The following EBF2 variants were observed in gnomAD, a reference collection of about 807,000 sequenced individuals.
EBF2 encodes EBF transcription factor 2, also known as transcription factor COE2.
Under a neutral mutation model 72.8 loss-of-function variants are expected in EBF2, and 21 were observed. The ratio of observed to expected loss-of-function variants is 0.29; its 90% confidence interval spans 0.20 to 0.42. The LOEUF is 0.42. Ranked by LOEUF, EBF2 falls within the 10% of genes least tolerant of loss-of-function variation. The probability of loss-of-function intolerance (pLI) is 1.00; values close to 1 mark genes in which losing one functional copy is unlikely to be tolerated. For synonymous variants in EBF2, 299 were observed against 274.2 expected, an observed-to-expected ratio of 1.09 and a Z score of -0.89; for missense variants, 637 against 731.2, an observed-to-expected ratio of 0.87 and a Z score of 1.49.
At chr8:25,992,879 C>T (rs182810109) in intron 6 of EBF2, among the ~76,000 whole-genome samples, 21 of 146,104 alleles carry the variant, frequency 1.4e-4, no homozygotes, top group Admixed American at 5.5e-4. Flanking sequence ...CCAGCCTAGG[C>T]GACAAGAATG....
At chr8:25,952,223 G>A (rs1002357718) in intron 6 of EBF2, among the ~76,000 whole-genome samples, 4 of 152,158 alleles carry the variant, frequency 2.6e-5, no homozygotes, top group African/African-American at 7.2e-5. Context: ...TTAAGCTCAC[G>A]AGTTGGAGGC....
intron 6 of EBF2, chr8:26,032,240 G>C (rs556253470): frequency 3.9e-5 from 6 of 152,272 alleles, no homozygotes; most frequent in African/African-American, 1.4e-4. Flanking sequence ...CTGGCTTTCT[G>C]GGAAGAATGC....
chr8:26,003,831 T>C (rs1192409047), intron 6 of EBF2, among the ~76,000 whole-genome samples: 2 of 152,176 alleles, frequency 1.3e-5, no homozygotes, highest in African/African-American at 2.4e-5. Context: ...CATTATATCC[T>C]TCTCCTGAAA....
chr8:25,851,573 G>C (rs1801975418), intron 14 of EBF2, among the ~76,000 whole-genome samples: 1 of 151,622 alleles, frequency 6.6e-6, no homozygotes, highest in South Asian at 2.1e-4. Flanking sequence ...TATCTTCTAT[G>C]TTCAACTTAA....
At chr8:25,942,062 G>A (rs989110110) in intron 6 of EBF2, among the ~76,000 whole-genome samples, 2 of 152,192 alleles carry the variant, frequency 1.3e-5, no homozygotes, top group Non-Finnish European at 2.9e-5. Context: ...CAGTGAGCAT[G>A]AACACTGGGG....
intron 6 of EBF2, among the ~76,000 whole-genome samples, chr8:26,030,489 T>C (rs1233495123): frequency 6.6e-6 from 1 of 151,944 alleles, no homozygotes; most frequent in Non-Finnish European, 1.5e-5. Flanking sequence ...GATGAATTAA[T>C]GGGTGCAGCA....
At chr8:25,955,175 G>A (rs947372100) in intron 6 of EBF2, among the ~76,000 whole-genome samples, 8 of 152,230 alleles carry the variant, frequency 5.3e-5, no homozygotes, top group African/African-American at 1.9e-4. Flanking sequence ...GCCTGGCTGG[G>A]CCCACAGACA....
Position 25,889,869 on chromosome 8 carries a change from C to G in EBF2, c.634G>C (p.Val212Leu). 1 of 1,612,984 alleles carries G rather than the reference C, an allele frequency of 6.2e-7. No individual in the cohort carries two copies. The highest frequency in any genetic ancestry group is 8.5e-7 in the Non-Finnish European group (1 of 1,179,156). The change falls in exon 8 of 16, where the codon GTT becomes CTT. Residue 212 changes from valine to leucine, a missense_variant and splice_region_variant. By Grantham distance (32) the Val-to-Leu change is conservative (BLOSUM62 1). This residue lies in a region of EBF2 where 204 missense variants were observed against 301.2 expected (regional missense o/e 0.68). Coordinates refer to ENST00000520164, the MANE Select transcript of EBF2 (RefSeq NM_022659.4). ...GNPRDMRRFQ[V>L]VLSTTVNVDG... ...ACATTCACCGTTGTTGACAACACAA[C>G]CTGCATATTTAAAGTAAAAAGGAGA...
At chr8:25,849,211 A>T (rs551885461) in intron 15 of EBF2, among the ~76,000 whole-genome samples, 1 of 152,290 alleles carries the variant, frequency 6.6e-6, no homozygotes, top group South Asian at 2.1e-4. Context: ...AATTTTCAAC[A>T]ATGTTTCTGA....
intron 6 of EBF2, among the ~76,000 whole-genome samples, chr8:25,992,383 C>A: frequency 7.0e-6 from 1 of 143,774 alleles, no homozygotes; most frequent in South Asian, 2.3e-4. Flanking sequence ...TAGGCCAAGA[C>A]CAGATGCAAG....
intron 6 of EBF2, among the ~76,000 whole-genome samples, chr8:26,014,587 A>G (rs1295651913): frequency 1.3e-5 from 2 of 152,152 alleles, no homozygotes; most frequent in Non-Finnish European, 2.9e-5. Flanking sequence ...GAGGGTTTCG[A>G]TTTTGCTTAA....
chr8:25,861,132 G>A lies in EBF2; in HGVS notation c.1259C>T (p.Ala420Val), dbSNP rs371873709. ...GTTGATTCCCATCATGCCACTGTGC[G>A]CTGGGGAGCTAGAGAGGGCTGGAAG... ...SQLPALSSSP[A>V]HSGMMGINSY... The change falls in exon 13 of 16, where the codon GCG becomes GTG. Residue 420 changes from alanine (A) to valine (V), a missense_variant. By Grantham distance (64) the Ala-to-Val change is moderately conservative (BLOSUM62 0). This residue lies in a region of EBF2 where 259 missense variants were observed against 268.1 expected (regional missense o/e 0.97). Coordinates refer to ENST00000520164, the MANE Select transcript of EBF2 (RefSeq NM_022659.4). 1.9e-5 allele frequency: 31 copies of A among 1,614,034 alleles called. No individual in the cohort carries two copies. The highest frequency in any genetic ancestry group is 9.3e-5 in the African/African-American group (7 of 74,906).
chr8:25,989,401 G>A (rs1006053114), intron 6 of EBF2, among the ~76,000 whole-genome samples: 21 of 152,146 alleles, frequency 1.4e-4, no homozygotes, highest in Admixed American at 1.0e-3. Flanking sequence ...GATCTGTGTC[G>A]TAGTAAACTT....
intron 15 of EBF2, among the ~76,000 whole-genome samples, chr8:25,846,416 G>C (rs947540981): frequency 6.6e-6 from 1 of 152,080 alleles, no homozygotes; most frequent in African/African-American, 2.4e-5. Flanking sequence ...GGCTGGGCAC[G>C]GTGGCTAACA....
intron 10 of EBF2, among the ~76,000 whole-genome samples, chr8:25,878,148 C>T (rs144344128): frequency 2.6e-4 from 40 of 152,268 alleles, no homozygotes; most frequent in Middle Eastern, 3.4e-3. Context: ...CTCTCGGGAC[C>T]CGTCCTGCTC....
chr8:25,984,437 C>T (rs1042090325), intron 6 of EBF2, among the ~76,000 whole-genome samples: 2 of 152,200 alleles, frequency 1.3e-5, no homozygotes, highest in African/African-American at 4.8e-5. Context: ...ATCCCCAGCA[C>T]TTTGGGAAGC....
At chr8:25,912,553 A>C (rs574232129) in intron 6 of EBF2, among the ~76,000 whole-genome samples, 22 of 151,936 alleles carry the variant, frequency 1.4e-4, no homozygotes, top group Non-Finnish European at 3.2e-4. Context: ...TGCTTCTTGA[A>C]GAGACTGCAG....
chr8:25,927,011 AG>A (rs978808451), intron 6 of EBF2, among the ~76,000 whole-genome samples: 1 of 152,204 alleles, frequency 6.6e-6, no homozygotes, highest in African/African-American at 2.4e-5. Flanking sequence ...GCTGGGTTCT[AG>A]CACCCAGTTA....
At chr8:25,860,467 T>C in intron 13 of EBF2, among the ~76,000 whole-genome samples, 1 of 151,852 alleles carries the variant, frequency 6.6e-6, no homozygotes, top group East Asian at 1.9e-4. Flanking sequence ...CAAACCCTTC[T>C]AAATTGATAA....
Sources: allele counts gnomAD v4.1 joint callset (sites outside exome capture counted in the v4.1 genomes callset), GRCh38; gene constraint gnomAD v4.1.1; regional missense constraint gnomAD v4.1.1; transcripts MANE v1.5; gene names NCBI Gene and HGNC (gene_info 2026-07-23, HGNC 2026-07-21).